FSTL4: variants seen among roughly 807,000 people sequenced by gnomAD.
FSTL4 encodes the protein follistatin-related protein 4.
FSTL4 carries 28 observed loss-of-function variants against 78.2 expected under a neutral mutation model. The ratio of observed to expected loss-of-function variants is 0.36; its 90% confidence interval spans 0.27 to 0.49. The LOEUF is 0.49. Among genes scored for constraint, FSTL4 ranks in the 20% least tolerant of loss-of-function variants. The probability of loss-of-function intolerance (pLI) is 0.98; values close to 1 mark genes in which losing one functional copy is unlikely to be tolerated. For synonymous variants in FSTL4, 422 were observed against 440.5 expected, an observed-to-expected ratio of 0.96 and a Z score of 0.53; for missense variants, 922 against 1,084.9, an observed-to-expected ratio of 0.85 and a Z score of 2.11.
intron 3 of FSTL4, among the ~76,000 whole-genome samples, chr5:133,437,971 T>A (rs1174824136): frequency 2.0e-5 from 3 of 152,156 alleles, no homozygotes; most frequent in Non-Finnish European, 4.4e-5. Context: ...CTTTCTTTGG[T>A]TGGAATTTAT....
At chr5:133,314,430 T>C (rs1236467631) in intron 5 of FSTL4, among the ~76,000 whole-genome samples, 1 of 152,214 alleles carries the variant, frequency 6.6e-6, no homozygotes, top group Non-Finnish European at 1.5e-5. Context: ...AGCAGAGTCA[T>C]CTGAGATTCC....
the FSTL4 span, among the ~76,000 whole-genome samples, chr5:133,714,687 C>A: frequency 6.6e-6 from 1 of 152,190 alleles, no homozygotes; most frequent in African/African-American, 2.4e-5. Context: ...CCTTTACTCT[C>A]CCAGAACACC....
the FSTL4 span, among the ~76,000 whole-genome samples, chr5:133,781,071 C>T: frequency 6.6e-6 from 1 of 152,214 alleles, no homozygotes; most frequent in African/African-American, 2.4e-5. Context: ...CCTCATCCCT[C>T]CTTCCTCTGA....
the FSTL4 span, among the ~76,000 whole-genome samples, chr5:133,770,990 C>A: frequency 6.6e-6 from 1 of 151,916 alleles, no homozygotes; most frequent in Non-Finnish European, 1.5e-5. Context: ...GTTCTTTCCC[C>A]AGTGTATATT....
At chr5:133,621,071 A>G in the FSTL4 span, among the ~76,000 whole-genome samples, 1 of 152,228 alleles carries the variant, frequency 6.6e-6, no homozygotes, top group African/African-American at 2.4e-5. Flanking sequence ...GTATATATAC[A>G]CGACAGAATA....
intron 4 of FSTL4, among the ~76,000 whole-genome samples, chr5:133,395,072 A>G (rs1475571880): frequency 6.6e-6 from 1 of 152,090 alleles, no homozygotes; most frequent in Non-Finnish European, 1.5e-5. Flanking sequence ...GCGCTCTGTA[A>G]AACAGACCAA....
intron 2 of FSTL4, among the ~76,000 whole-genome samples, chr5:133,569,081 T>C (rs1760092976): frequency 6.6e-6 from 1 of 152,210 alleles, no homozygotes; most frequent in South Asian, 2.1e-4. Context: ...TTTGTATATT[T>C]GATGGCAATT....
intron 1 of FSTL4, among the ~76,000 whole-genome samples, chr5:133,606,568 A>C (rs889035971): frequency 2.0e-5 from 3 of 152,236 alleles, no homozygotes; most frequent in Non-Finnish European, 4.4e-5. Context: ...TAGAAATTTA[A>C]GCTAGAACTA....
chr5:133,740,602 A>G, the FSTL4 span, among the ~76,000 whole-genome samples: 1 of 152,206 alleles, frequency 6.6e-6, no homozygotes, highest in Non-Finnish European at 1.5e-5. Flanking sequence ...TAATCAATAA[A>G]GCACTCACGC....
the FSTL4 span, among the ~76,000 whole-genome samples, chr5:133,793,257 C>T: frequency 1.3e-5 from 2 of 152,210 alleles, no homozygotes; most frequent in African/African-American, 4.8e-5. Context: ...TTAGTGACAA[C>T]CAAAATGATT....
rs551040233 is a variant in FSTL4 at position 133,328,941 on chromosome 5, C to T, written c.410-12289G>A. Among the ~76,000 whole-genome samples the T allele has an allele frequency of 2.0e-4, 30 of 152,300 alleles. No individual in the cohort carries two copies. The South Asian group carries it at 6.0e-3, about 31-fold the overall frequency. ...TTGCTCAGCGTCAGCGAGGCAATGG[C>T]GTCAGTGATGTCCAGAAATGTAGCT... is the stretch of plus-strand genomic sequence containing the variant. On this transcript the variant is annotated intron_variant, in intron 4 of 15. Coordinates refer to ENST00000265342, the MANE Select transcript of FSTL4 (RefSeq NM_015082.2).
chr5:133,752,228 A>G, the FSTL4 span, among the ~76,000 whole-genome samples: 41 of 152,288 alleles, frequency 2.7e-4, no homozygotes, highest in East Asian at 4.1e-3. Context: ...AAACCAAAGG[A>G]GTTATCTATC....
At chr5:133,260,263 G>C (rs1017578092) in intron 6 of FSTL4, among the ~76,000 whole-genome samples, 8 of 152,104 alleles carry the variant, frequency 5.3e-5, no homozygotes, top group Non-Finnish European at 1.0e-4. Flanking sequence ...CCAAATGGGG[G>C]ACTGTGCTTC....
At chr5:133,678,765 T>C in the FSTL4 span, among the ~76,000 whole-genome samples, 2 of 151,966 alleles carry the variant, frequency 1.3e-5, no homozygotes, top group Non-Finnish European at 2.9e-5. Flanking sequence ...TGAGACTAGA[T>C]AAGATTACCT....
intron 3 of FSTL4, among the ~76,000 whole-genome samples, chr5:133,462,291 G>C (rs1757608572): frequency 6.6e-6 from 1 of 152,268 alleles, no homozygotes; most frequent in Non-Finnish European, 1.5e-5. Context: ...TTGAGGGGCA[G>C]GGCCTGGGAG....
chr5:133,416,352 C>T (rs1197798579), intron 3 of FSTL4, among the ~76,000 whole-genome samples: 1 of 152,140 alleles, frequency 6.6e-6, no homozygotes, highest in South Asian at 2.1e-4. Context: ...CTCTTCTTTA[C>T]AGTAAATTTT....
the FSTL4 span, among the ~76,000 whole-genome samples, chr5:133,695,586 G>C: frequency 3.3e-5 from 5 of 152,352 alleles, no homozygotes; most frequent in East Asian, 9.6e-4. Context: ...GGGGACAGCA[G>C]CCACAGTAAG....
the FSTL4 span, among the ~76,000 whole-genome samples, chr5:133,675,351 C>T: frequency 6.6e-5 from 10 of 152,174 alleles, no homozygotes; most frequent in Admixed American, 1.3e-4. Flanking sequence ...ATCTCCAAAT[C>T]GCAATTTGAA....
the FSTL4 span, among the ~76,000 whole-genome samples, chr5:133,824,471 A>G: frequency 6.6e-6 from 1 of 152,238 alleles, no homozygotes; most frequent in Non-Finnish European, 1.5e-5. Flanking sequence ...AGACACTCAT[A>G]TCCCTCTAGA....
Sources: gnomAD v4.1 joint callset for allele counts (sites outside exome capture counted in the v4.1 genomes callset) on GRCh38, gnomAD v4.1.1 for gene constraint, MANE v1.5 for transcripts, NCBI Gene and HGNC (gene_info 2026-07-23, HGNC 2026-07-21) for gene names.